The following HTR3B variants were observed in gnomAD, a reference collection of about 807,000 sequenced individuals.
The protein encoded by HTR3B is 5-hydroxytryptamine receptor 3B.
A neutral mutation model predicts 42.8 loss-of-function variants in HTR3B; 44 were observed. The ratio of observed to expected loss-of-function variants is 1.03; its 90% CI spans 0.81 to 1.32. The LOEUF (loss-of-function observed/expected upper bound fraction) is 1.32, where lower values mean the gene tolerates loss of function less well. Among genes scored for constraint, HTR3B ranks in the 40% most tolerant of loss-of-function variants. The pLI, the probability that HTR3B is intolerant of heterozygous loss-of-function variation, is 0.00. For missense variants in HTR3B, 527 were observed against 536.5 expected (o/e 0.98, Z 0.17); for synonymous variants, 203 against 209.0 (o/e 0.97, Z 0.25).
rs1350103687 is a variant in HTR3B at position 113,931,757 on chromosome 11, G to A, written c.259-1G>A. ...GTTTTCTTTTTGGCTACTACTAACAGGTCTGGAATGATGAATTTTTATCCT... is the reference window on the plus strand; with the variant it reads ...GTTTTCTTTTTGGCTACTACTAACAAGTCTGGAATGATGAATTTTTATCCT... On this transcript the variant is annotated splice_acceptor_variant, in intron 3 of 8. Coordinates refer to ENST00000260191, the MANE Select transcript of HTR3B (RefSeq NM_006028.5). LOFTEE classifies it high-confidence loss of function. 2 of 1,585,118 alleles carry A rather than the reference G, an allele frequency of 1.3e-6. No individual in the cohort carries two copies. Among genetic ancestry groups the A allele is most frequent in the South Asian group, 2.2e-5 (2 of 90,464 alleles).
chr11:113,914,880 A>C (rs1375204182), intron 2 of HTR3B, among the ~76,000 whole-genome samples: 1 of 152,152 alleles, frequency 6.6e-6, no homozygotes, highest in Non-Finnish European at 1.5e-5. Flanking sequence ...AGGGGTCTGG[A>C]GCTTTCTTTG....
At position 113,904,870 on chromosome 11, in the gene HTR3B, A is replaced by G. The variant is rs80223723; in HGVS notation, c.-64A>G. On this transcript the variant is annotated 5_prime_UTR_variant, in exon 1 of 9. Transcript: ENST00000260191. The stretch of plus-strand genomic sequence containing the variant: ...GAGTGGAGAGGAACCCTGTTAGGAG[A>G]AATTGAGCGGCATTCCATCTGGTAG... 175 of 1,277,884 alleles carry G rather than the reference A, an allele frequency of 1.4e-4. 2 individuals are homozygous for G. In the East Asian group the frequency reaches 4.0e-3, roughly 29 times the overall value. The allele number at this position is 1,277,884 out of a possible 1,614,324, so 79.2% of individuals were successfully genotyped here. A position where few individuals can be genotyped will look rare whatever the true frequency, so the allele number is the denominator to read the frequency against.
In HTR3B at chr11:113,946,175, G is replaced by A. The variant is rs765653868; in HGVS notation, c.*38G>A. ...TCTTCAGTAATTGTGCTGGCACTTA[G>A]GAGAGAGAGGAGGGGGAATAATAGT... On this transcript the variant is annotated 3_prime_UTR_variant, in exon 9 of 9. Coordinates refer to ENST00000260191, the MANE Select transcript of HTR3B (RefSeq NM_006028.5). 1 of 1,482,146 alleles carries A rather than the reference G, an allele frequency of 6.7e-7. No individual in the cohort carries two copies. The highest frequency in any genetic ancestry group is 1.1e-5 in the South Asian group (1 of 88,442). 91.8% of individuals were successfully genotyped at this position (1,482,146 alleles called of 1,614,324 possible).
Position 113,931,365 on chromosome 11 carries a change from T to A in HTR3B, c.214-19T>A. 1.3e-6 allele frequency: 2 copies of A among 1,587,514 alleles called. No homozygotes were observed. The highest frequency in any genetic ancestry group is 1.7e-6 in the Non-Finnish European group (2 of 1,162,872). On this transcript the variant is annotated intron_variant, in intron 2 of 8. Transcript: ENST00000260191. Reference sequence around the variant, plus strand: ...TTGACATTCTAAGATTTGGAGTGGATTTTCTTTTTGCCTTGCAGGATGCAG... The same window carrying A: ...TTGACATTCTAAGATTTGGAGTGGAATTTCTTTTTGCCTTGCAGGATGCAG...
chr11:113,913,428 C>T (rs1223500635), intron 2 of HTR3B, among the ~76,000 whole-genome samples: 1 of 134,320 alleles, frequency 7.4e-6, no homozygotes, highest in Non-Finnish European at 1.5e-5. Context: ...CCAGGCTGGT[C>T]TCGAACTCCT....
At chr11:113,937,940 G>T (rs1950104132) in intron 6 of HTR3B, among the ~76,000 whole-genome samples, 1 of 152,162 alleles carries the variant, frequency 6.6e-6, no homozygotes, top group South Asian at 2.1e-4. Context: ...TTCCTTCTGG[G>T]CATTCTGAGG....
At chr11:113,925,027 T>C (rs1949955608) in intron 2 of HTR3B, among the ~76,000 whole-genome samples, 1 of 152,202 alleles carries the variant, frequency 6.6e-6, no homozygotes, top group Admixed American at 6.5e-5. Flanking sequence ...AAAAGTTTCT[T>C]GTTTCTCTTT....
At chr11:113,915,698 T>C (rs2137496389) in intron 2 of HTR3B, among the ~76,000 whole-genome samples, 1 of 152,334 alleles carries the variant, frequency 6.6e-6, no homozygotes, top group Non-Finnish European at 1.5e-5. Flanking sequence ...TATTGGTGAG[T>C]TGTATGATGG....
At chr11:113,901,450 A>G (rs1264863422), upstream of HTR3B, among the ~76,000 whole-genome samples, 1 of 152,064 alleles carries the variant, frequency 6.6e-6, no homozygotes, top group Admixed American at 6.6e-5. Context: ...CTTAGGGAAA[A>G]AAAAAAAAAA....
chr11:113,941,659 A>T (rs1174749653), intron 6 of HTR3B, among the ~76,000 whole-genome samples: 2 of 152,014 alleles, frequency 1.3e-5, no homozygotes. Context: ...ACCAGTAGGG[A>T]GAGGAAGCAG....
upstream of HTR3B, among the ~76,000 whole-genome samples, chr11:113,903,264 T>C (rs1398522756): frequency 2.6e-5 from 4 of 152,110 alleles, no homozygotes; most frequent in Non-Finnish European, 5.9e-5. Context: ...ATTCAAGTTA[T>C]GAATTTTTGG....
chr11:113,919,518 T>A (rs12271442), intron 2 of HTR3B, among the ~76,000 whole-genome samples: 39,619 of 152,042 alleles, frequency 0.26, 5,285 homozygotes, highest in Middle Eastern at 0.36. Context: ...ATGAAAAAAT[T>A]AATTTGAAAC....
At chr11:113,942,926 A>G in intron 6 of HTR3B, 56 bp from the exon 7 acceptor site, 2 of 1,535,390 alleles carry the variant, frequency 1.3e-6, no homozygotes, top group Non-Finnish European at 1.8e-6. Flanking sequence ...AATTTGGCCA[A>G]ATCTGAGTCT....
intron 2 of HTR3B, among the ~76,000 whole-genome samples, chr11:113,915,272 C>T (rs1027945542): frequency 2.6e-5 from 4 of 152,114 alleles, no homozygotes; most frequent in South Asian, 2.1e-4. Context: ...GGCGTGATCA[C>T]GGCTTACTGC....
chr11:113,914,747 A>G (rs1949834811), intron 2 of HTR3B, among the ~76,000 whole-genome samples: 1 of 152,082 alleles, frequency 6.6e-6, no homozygotes, highest in Non-Finnish European at 1.5e-5. Context: ...TGGTATCAGG[A>G]TTGTGTTGGC....
chr11:113,903,761 C>G (rs774023264), upstream of HTR3B, among the ~76,000 whole-genome samples: 12 of 152,168 alleles, frequency 7.9e-5, no homozygotes, highest in Non-Finnish European at 1.8e-4. Flanking sequence ...AGCAAATGTA[C>G]TGAAAACCAT....
intron 2 of HTR3B, among the ~76,000 whole-genome samples, chr11:113,917,490 A>G (rs1949867196): frequency 6.6e-6 from 1 of 152,084 alleles, no homozygotes; most frequent in South Asian, 2.1e-4. Context: ...GTGGAATGTT[A>G]AAATCTCCAG....
In HTR3B at chr11:113,948,126, T is replaced by C. The variant is rs1285765696; in HGVS notation, c.*1989T>C. On this transcript the variant is annotated 3_prime_UTR_variant, in exon 9 of 9. Transcript: ENST00000260191. ...TAATGAAATGAGGAACATAAGAAGT[T>C]TGTGAACAGGAAGTGTCCATGCAAA... is the stretch of plus-strand genomic sequence containing the variant. Among the ~76,000 whole-genome samples, 1 of 152,214 alleles carries C rather than the reference T, an allele frequency of 6.6e-6. No individual in the cohort carries two copies. The highest frequency in any genetic ancestry group is 1.5e-5 in the Non-Finnish European group (1 of 68,042).
chr11:113,901,792 G>A (rs1045221654), upstream of HTR3B, among the ~76,000 whole-genome samples: 2 of 152,182 alleles, frequency 1.3e-5, no homozygotes, highest in Admixed American at 6.5e-5. Context: ...AGGGAAGCAC[G>A]TCCCCAGAAG....
Sources: gnomAD v4.1 joint callset for allele counts (sites outside exome capture counted in the v4.1 genomes callset) on GRCh38, gnomAD v4.1.1 for gene constraint, MANE v1.5 for transcripts, NCBI Gene and HGNC (gene_info 2026-07-23, HGNC 2026-07-21) for gene names.